SMIM14: variants seen among roughly 807,000 people sequenced by gnomAD.
The protein encoded by SMIM14 is small integral membrane protein 14.
SMIM14 carries 5 observed loss-of-function variants against 12.6 expected under a neutral mutation model. That is an observed-to-expected ratio of 0.40 (90% confidence interval 0.21 to 0.83). SMIM14 has a LOEUF of 0.83. Among genes scored for constraint, SMIM14 ranks in the 40% least tolerant of loss-of-function variants. SMIM14 has a pLI of 0.37. For synonymous variants in SMIM14, 30 were observed against 40.1 expected (o/e 0.75, Z 0.95); for missense variants, 86 against 119.1 (o/e 0.72, Z 1.29).
intron 2 of SMIM14, among the ~76,000 whole-genome samples, chr4:39,596,491 T>C (rs1295590163): frequency 6.6e-6 from 1 of 152,192 alleles, no homozygotes. Context: ...GGACTGAACA[T>C]GTCTCTGCCA....
At chr4:39,621,126 T>C (rs1291789684) in intron 1 of SMIM14, 1 of 151,762 alleles carries the variant, frequency 6.6e-6, no homozygotes, top group Non-Finnish European at 1.5e-5. Flanking sequence ...AGGAAAAAAA[T>C]CAGCAATTCT....
chr4:39,634,499 C>T (rs143693587), intron 1 of SMIM14, among the ~76,000 whole-genome samples: 5 of 152,294 alleles, frequency 3.3e-5, no homozygotes, highest in Middle Eastern at 6.8e-3. Context: ...ACCTACATAT[C>T]TGAGTTGCTT....
At position 39,551,985 on chromosome 4, in the gene SMIM14, T is replaced by C. The variant is rs1711736783; in HGVS notation, c.*141A>G. 1.8e-6 allele frequency: 1 copy of C among 551,264 alleles called. No homozygotes were observed. Among genetic ancestry groups the C allele is most frequent in the Non-Finnish European group, 3.0e-6 (1 of 328,338 alleles). 34.1% of individuals were successfully genotyped at this position (551,264 alleles called of 1,614,324 possible). A position where few individuals can be genotyped will look rare whatever the true frequency, so the allele number is the denominator to read the frequency against. ...AAAATAAACTTGCAAGTGAAATTTC[T>C]AGAAGCTCATGAAAACAATACCATC... On this transcript the variant is annotated 3_prime_UTR_variant, in exon 5 of 5. Coordinates refer to ENST00000295958, the MANE Select transcript of SMIM14 (RefSeq NM_174921.3).
At chr4:39,573,868 T>C (rs1394581154) in intron 2 of SMIM14, among the ~76,000 whole-genome samples, 2 of 152,168 alleles carry the variant, frequency 1.3e-5, no homozygotes, top group African/African-American at 4.8e-5. Flanking sequence ...GTTTTCAATG[T>C]CTGTCTTTTT....
At chr4:39,615,702 A>G (rs998338870) in intron 1 of SMIM14, among the ~76,000 whole-genome samples, 11 of 152,224 alleles carry the variant, frequency 7.2e-5, no homozygotes, top group African/African-American at 2.7e-4. Flanking sequence ...GATATTTTAA[A>G]AAAATAAACT....
chr4:39,596,253 G>A (rs375630762), intron 2 of SMIM14, among the ~76,000 whole-genome samples: 7 of 152,026 alleles, frequency 4.6e-5, no homozygotes, highest in South Asian at 2.1e-4. Context: ...GTGCCACCAC[G>A]CCTGGCTAAT....
chr4:39,609,344 C>A (rs141475784), intron 1 of SMIM14, among the ~76,000 whole-genome samples: 1 of 152,084 alleles, frequency 6.6e-6, no homozygotes, highest in African/African-American at 2.4e-5. Context: ...AAAGCTGTTA[C>A]ATAAATGGTG....
chr4:39,569,690 C>G (rs1005535421), intron 3 of SMIM14, among the ~76,000 whole-genome samples: 2 of 151,518 alleles, frequency 1.3e-5, no homozygotes, highest in Non-Finnish European at 2.9e-5. Flanking sequence ...TGAGTTGAGA[C>G]TGAGCCACTG....
At chr4:39,638,714 T>C in intron 1 of SMIM14, 25 bp downstream of exon 1, 3 of 984,766 alleles carry the variant, frequency 3.0e-6, no homozygotes, top group Non-Finnish European at 3.6e-6. Context: ...CAGCAAACGC[T>C]GGTGGGAGAG....
chr4:39,559,386 CA>C (rs33993674), intron 3 of SMIM14, among the ~76,000 whole-genome samples: 93 of 120,904 alleles, frequency 7.7e-4, no homozygotes, highest in Non-Finnish European at 7.6e-4. Context: ...AAGACCCTGT[CA>C]AAAAAAAAAA....
chr4:39,631,592 G>A (rs1328747993), intron 1 of SMIM14, among the ~76,000 whole-genome samples: 1 of 151,796 alleles, frequency 6.6e-6, no homozygotes, highest in Non-Finnish European at 1.5e-5. Context: ...CCGGGAAGCG[G>A]AGCTTGCAGT....
intron 1 of SMIM14, among the ~76,000 whole-genome samples, chr4:39,610,747 A>G (rs1264838194): frequency 1.3e-5 from 2 of 152,012 alleles, no homozygotes; most frequent in African/African-American, 4.8e-5. Context: ...ATATGTGAAT[A>G]GCTCTGGGGA....
chr4:39,582,260 C>T (rs1205937748), intron 2 of SMIM14, among the ~76,000 whole-genome samples: 1 of 152,188 alleles, frequency 6.6e-6, no homozygotes, highest in Non-Finnish European at 1.5e-5. Context: ...ACTTTGCCTA[C>T]AGTATCTGTG....
rs1385727350 is a variant in SMIM14, at chr4:39,584,805, AAAAAAAG to A, written c.76-12349_76-12343del. 6.0e-5 allele frequency among the ~76,000 whole-genome samples: 9 copies of A among 149,836 alleles called. No homozygotes were observed. The South Asian group carries it at 6.3e-4, about 10-fold the overall frequency. Reference sequence around the variant, plus strand: ...AGCAGGACCTTGTCAAAAAAAAAAAAAAAAAAGAAAAAAGAAAAAAAAATTTTTGTAA... The same window carrying A: ...AGCAGGACCTTGTCAAAAAAAAAAAAAAAAAAGAAAAAAAAATTTTTGTAA... On this transcript the variant is annotated intron_variant, in intron 2 of 4. Coordinates refer to ENST00000295958, the MANE Select transcript of SMIM14 (RefSeq NM_174921.3).
At chr4:39,590,715 T>C (rs969604914) in intron 2 of SMIM14, among the ~76,000 whole-genome samples, 1 of 151,772 alleles carries the variant, frequency 6.6e-6, no homozygotes, top group Non-Finnish European at 1.5e-5. Flanking sequence ...GGCAGGAGAA[T>C]TGCTTGAACC....
In SMIM14 at chr4:39,572,696, C is replaced by T. The variant is rs78237324; in HGVS notation, c.76-233G>A. On this transcript the variant is annotated intron_variant, in intron 2 of 4. Coordinates refer to ENST00000295958, the MANE Select transcript of SMIM14 (RefSeq NM_174921.3). Reference sequence around the variant, plus strand: ...AATTAGCCAGGTGTGGTGGTGTGTGCCTGTAGTCTCAGCTATTAGGGAGGC... The same window carrying T: ...AATTAGCCAGGTGTGGTGGTGTGTGTCTGTAGTCTCAGCTATTAGGGAGGC... Among the ~76,000 whole-genome samples the T allele has an allele frequency of 4.3e-3, 651 of 152,046 alleles. 23 individuals carry two copies. In the East Asian group the frequency reaches 0.085, roughly 20 times the overall value.
intron 1 of SMIM14, among the ~76,000 whole-genome samples, chr4:39,632,107 C>A (rs1406540500): frequency 2.6e-5 from 4 of 151,950 alleles, no homozygotes; most frequent in Non-Finnish European, 5.9e-5. Flanking sequence ...ATAAAATATG[C>A]ATTTATAATT....
At chr4:39,606,821 G>C (rs757779544) in intron 1 of SMIM14, among the ~76,000 whole-genome samples, 1 of 152,098 alleles carries the variant, frequency 6.6e-6, no homozygotes, top group East Asian at 1.9e-4. Context: ...CTAAGTTGGG[G>C]AGAAGAAACT....
chr4:39,616,641 T>TAAAA (rs5857689), intron 1 of SMIM14, among the ~76,000 whole-genome samples: 1 of 137,260 alleles, frequency 7.3e-6, no homozygotes. Flanking sequence ...TCCTTACATT[T>TAAAA]AAAAAAAAAA....
Sources: allele counts gnomAD v4.1 joint callset (sites outside exome capture counted in the v4.1 genomes callset), GRCh38; gene constraint gnomAD v4.1.1; transcripts MANE v1.5; gene names NCBI Gene and HGNC (gene_info 2026-07-23, HGNC 2026-07-21).